The following BCL2L13 variants were observed in gnomAD, a reference collection of about 807,000 sequenced individuals.
BCL2L13 encodes BCL2 like 13.
Under a neutral mutation model 25.8 loss-of-function variants are expected in BCL2L13, and 13 were observed. That is an observed-to-expected ratio of 0.50 (90% CI 0.33 to 0.80). BCL2L13 has a LOEUF of 0.80. Ranked by LOEUF, BCL2L13 falls within the 30% of genes least tolerant of loss-of-function variation. The pLI is 0.02. For missense variants in BCL2L13, 504 were observed against 574.9 expected (o/e 0.88, Z 1.26); for synonymous variants, 244 against 230.3 (o/e 1.06, Z -0.54).
intron 2 of BCL2L13, among the ~76,000 whole-genome samples, chr22:17,656,635 C>T (rs1020472637): frequency 1.3e-5 from 2 of 151,892 alleles, no homozygotes; most frequent in East Asian, 1.9e-4. Flanking sequence ...GTGTGAGCCA[C>T]GGCGCCCAAC....
chr22:17,694,990 C>T (rs537951208), intron 4 of BCL2L13, among the ~76,000 whole-genome samples: 9 of 152,086 alleles, frequency 5.9e-5, no homozygotes, highest in Non-Finnish European at 1.0e-4. Context: ...AGTGACTTCA[C>T]GAGAGAAAAG....
At chr22:17,699,072 G>A (rs2060355240) in intron 5 of BCL2L13, among the ~76,000 whole-genome samples, 3 of 152,082 alleles carry the variant, frequency 2.0e-5, no homozygotes, top group Admixed American at 2.0e-4. Flanking sequence ...ATCAGATTCA[G>A]GTTCAATCTT....
In BCL2L13 at chr22:17,727,937, C is replaced by T. The variant is rs536868344; in HGVS notation, c.*403C>T. 3 of 215,990 alleles carry T rather than the reference C, an allele frequency of 1.4e-5. No individual in the cohort carries two copies. The highest frequency in any genetic ancestry group is 1.0e-4 in the East Asian group (1 of 10,044). 13.4% of individuals were successfully genotyped at this position (215,990 alleles called of 1,614,324 possible). ...TGTCTCTAGACATTGCCAAATGTCC[C>T]GTGTGAACATCCCCTATTGAGACCC... is the stretch of plus-strand genomic sequence containing the variant. On this transcript the variant is annotated 3_prime_UTR_variant, in exon 7 of 7. Coordinates refer to ENST00000317582, the MANE Select transcript of BCL2L13 (RefSeq NM_015367.4).
chr22:17,641,024 G>T (rs1029068683), intron 1 of BCL2L13, among the ~76,000 whole-genome samples: 8 of 151,704 alleles, frequency 5.3e-5, no homozygotes, highest in African/African-American at 1.9e-4. Flanking sequence ...CCGAGTAGCT[G>T]GGACTACAGG....
rs570421902 is a variant in BCL2L13, at chr22:17,693,454, A to G, written c.387-2687A>G. On this transcript the variant is annotated intron_variant, in intron 4 of 6. Coordinates refer to ENST00000317582, the MANE Select transcript of BCL2L13 (RefSeq NM_015367.4). ...GAGTGCAGTGGTGCAATCTCGGCTC[A>G]CTACAACTTCCGCCTCCCGGGTTCA... 2.9e-5 allele frequency among the ~76,000 whole-genome samples: 4 copies of G among 137,894 alleles called. 1 individual carries two copies. The South Asian group carries it at 6.6e-4, about 23-fold the overall frequency. The allele number at this position is 137,894 out of a possible 152,430, so 90.5% of individuals were successfully genotyped here.
intron 1 of BCL2L13, among the ~76,000 whole-genome samples, chr22:17,629,216 A>AT (rs2057952471): frequency 1.3e-5 from 2 of 151,940 alleles, no homozygotes; most frequent in Non-Finnish European, 2.9e-5. Flanking sequence ...GAAAAAAAAA[A>AT]GGGGGATACA....
intron 3 of BCL2L13, among the ~76,000 whole-genome samples, chr22:17,687,974 C>T (rs1308240598): frequency 6.6e-6 from 1 of 152,034 alleles, no homozygotes; most frequent in Non-Finnish European, 1.5e-5. Context: ...TGCACCATCA[C>T]GCCCGGCTAA....
At position 17,663,683 on chromosome 22, in the gene BCL2L13, C is replaced by CTTTTTTT. The variant is rs61709181; in HGVS notation, c.121+7863_121+7869dup. On this transcript the variant is annotated intron_variant, in intron 2 of 6. Transcript: ENST00000317582. The stretch of plus-strand genomic sequence containing the variant: ...TTTATTATTATCTTTTACATTTTTC[C>CTTTTTTT]TTTTTTTTTTTTTTTTTTGAGATGG... 1.9e-4 allele frequency among the ~76,000 whole-genome samples: 20 copies of CTTTTTTT among 107,468 alleles called. 2 individuals are homozygous for CTTTTTTT. The highest frequency in any genetic ancestry group is 3.9e-4 in the Admixed American group (3 of 7,700). 70.5% of individuals were successfully genotyped at this position (107,468 alleles called of 152,430 possible). A position where few individuals can be genotyped will look rare whatever the true frequency, so the allele number is the denominator to read the frequency against.
intron 5 of BCL2L13, 36 bp downstream of exon 5, chr22:17,696,246 T>G: frequency 6.5e-7 from 1 of 1,550,246 alleles, no homozygotes; most frequent in South Asian, 1.1e-5. Flanking sequence ...TAAAAGATTT[T>G]AGTGTGTTAA....
chr22:17,698,207 C>T (rs1396233113), intron 5 of BCL2L13, among the ~76,000 whole-genome samples: 2 of 151,840 alleles, frequency 1.3e-5, no homozygotes, highest in East Asian at 2.0e-4. Context: ...CTTTCCCTTC[C>T]GGGTTCAAGC....
chr22:17,652,958 G>A (rs556404468), intron 1 of BCL2L13, among the ~76,000 whole-genome samples: 8 of 152,062 alleles, frequency 5.3e-5, no homozygotes, highest in African/African-American at 1.9e-4. Flanking sequence ...CCAGCTACTC[G>A]GGAGGCTGAG....
upstream of BCL2L13, chr22:17,638,078 AAC>A (rs1410323092): frequency 1.3e-5 from 2 of 152,112 alleles, no homozygotes; most frequent in East Asian, 3.9e-4. Flanking sequence ...ATCTCCCTAA[AAC>A]ACACTGTATC....
intron 1 of BCL2L13, among the ~76,000 whole-genome samples, chr22:17,654,017 A>G (rs1277307208): frequency 1.3e-5 from 2 of 152,058 alleles, no homozygotes; most frequent in African/African-American, 2.4e-5. Flanking sequence ...GTTTGTCTTC[A>G]TGTCTAATGC....
Position 17,726,911 on chromosome 22 carries a change from A to G in BCL2L13, c.835A>G (p.Ile279Val). 2 of 1,614,196 alleles carry G rather than the reference A, an allele frequency of 1.2e-6. No individual in the cohort carries two copies. The highest frequency in any genetic ancestry group is 1.7e-6 in the Non-Finnish European group (2 of 1,180,034). The part of the protein sequence containing the change: ...VSLGPESWQQ[I>V]AMDPEEVKSL... The stretch of plus-strand genomic sequence containing the variant: ...ACTAGGCCCTGAGTCCTGGCAGCAG[A>G]TTGCAATGGATCCTGAAGAAGTGAA... The change falls in exon 7 of 7, where the codon ATT (isoleucine) becomes GTT (valine). Residue 279 changes from isoleucine (I) to valine (V), a missense_variant. Transcript: ENST00000317582.
At chr22:17,680,235 G>T (rs1329474956) in intron 2 of BCL2L13, among the ~76,000 whole-genome samples, 2 of 54,980 alleles carry the variant, frequency 3.6e-5, no homozygotes, top group African/African-American at 1.1e-4. Context: ...AAAAAGCTGG[G>T]CACGGTGGCT....
chr22:17,643,538 T>C lies in BCL2L13; in HGVS notation c.-51+4652T>C, dbSNP rs189673743. 4.2e-3 allele frequency among the ~76,000 whole-genome samples: 645 copies of C among 152,348 alleles called. 1 individual carries two copies. The highest frequency in any genetic ancestry group is 5.6e-3 in the Admixed American group (86 of 15,284). On this transcript the variant is annotated intron_variant, in intron 1 of 6. Coordinates refer to ENST00000317582, the MANE Select transcript of BCL2L13 (RefSeq NM_015367.4). Reference sequence around the variant, plus strand: ...CTTGTGGAACTTAAAAAAAATTCCCTGTTCAAGCCACCAGTGAGTCATGAG... The same window carrying C: ...CTTGTGGAACTTAAAAAAAATTCCCCGTTCAAGCCACCAGTGAGTCATGAG...
chr22:17,679,454 G>A (rs989618673), intron 2 of BCL2L13, among the ~76,000 whole-genome samples: 1 of 151,858 alleles, frequency 6.6e-6, no homozygotes, highest in Non-Finnish European at 1.5e-5. Context: ...ATTTTTAGTA[G>A]AGACGGGATT....
At chr22:17,693,646 C>G (rs9618094) in intron 4 of BCL2L13, among the ~76,000 whole-genome samples, 2,885 of 152,090 alleles carry the variant, frequency 0.019, 82 homozygotes, top group African/African-American at 0.066. Flanking sequence ...TCCCAAAGTG[C>G]TGGGATTACA....
In BCL2L13 at chr22:17,705,576, C is replaced by T. The variant is rs377328863; in HGVS notation, c.600+3190C>T. Among the ~76,000 whole-genome samples the T allele has an allele frequency of 2.0e-5, 3 of 151,766 alleles. No homozygotes were observed. In the East Asian group the frequency reaches 5.9e-4, roughly 30 times the overall value. The stretch of plus-strand genomic sequence containing the variant: ...CCTCCCAAAGTGCTGGGATTGCAGG[C>T]GTGAGCCACCGCGCCCGGCCGATAT... On this transcript the variant is annotated intron_variant, in intron 6 of 6. Transcript: ENST00000317582.
Sources: gnomAD v4.1 joint callset for allele counts (sites outside exome capture counted in the v4.1 genomes callset) on GRCh38, gnomAD v4.1.1 for gene constraint, MANE v1.5 for transcripts, NCBI Gene and HGNC (gene_info 2026-07-23, HGNC 2026-07-21) for gene names.